Variants in PLD5 observed in about 807,000 individuals in gnomAD.
PLD5 encodes the protein inactive phospholipase D5.
Under a neutral mutation model 61.1 loss-of-function variants are expected in PLD5, and 36 were observed. The observed-to-expected ratio is 0.59, with a 90% CI of 0.45 to 0.78. PLD5 has a LOEUF of 0.78. PLD5 is among the 30% of genes least tolerant of loss of function. PLD5 has a pLI of 0.00. For missense variants in PLD5, 515 were observed against 644.4 expected (o/e 0.80, Z 2.17); for synonymous variants, 243 against 242.8 (o/e 1.00, Z -0.01).
chr1:242,165,497 T>C (rs1280680043), intron 5 of PLD5, among the ~76,000 whole-genome samples: 1 of 148,062 alleles, frequency 6.8e-6, no homozygotes. Flanking sequence ...ATGTAAAATA[T>C]AGACTATGAA....
intron 1 of PLD5, among the ~76,000 whole-genome samples, chr1:242,441,083 A>G (rs924978923): frequency 6.6e-6 from 1 of 152,242 alleles, no homozygotes; most frequent in Non-Finnish European, 1.5e-5. Context: ...TAATAAATTA[A>G]GTTGAAAAAA....
At chr1:242,154,210 G>A (rs902949693) in intron 5 of PLD5, among the ~76,000 whole-genome samples, 5 of 152,190 alleles carry the variant, frequency 3.3e-5, no homozygotes, top group African/African-American at 9.7e-5. Flanking sequence ...CTGAGACTTT[G>A]CAGAAGTTGC....
intron 1 of PLD5, among the ~76,000 whole-genome samples, chr1:242,354,305 C>CAAA (rs1558490886): frequency 6.6e-6 from 1 of 152,140 alleles, no homozygotes; most frequent in Admixed American, 6.6e-5. Flanking sequence ...AAATAATCCA[C>CAAA]CCTGAATTTG....
At chr1:242,121,987 T>C (rs908509130) in intron 6 of PLD5, among the ~76,000 whole-genome samples, 6 of 151,938 alleles carry the variant, frequency 3.9e-5, no homozygotes, top group Admixed American at 2.6e-4. Flanking sequence ...ATACACCTAA[T>C]GTAAATATGA....
chr1:242,245,679 A>G (rs1672312190), intron 4 of PLD5, among the ~76,000 whole-genome samples: 1 of 152,214 alleles, frequency 6.6e-6, no homozygotes, highest in African/African-American at 2.4e-5. Context: ...TTTTCAGCTG[A>G]GAAGCCCTTT....
At chr1:242,444,686 T>TATATAATTA (rs369716880) in intron 1 of PLD5, among the ~76,000 whole-genome samples, 9 of 14,962 alleles carry the variant, frequency 6.0e-4, no homozygotes, top group East Asian at 5.2e-3. Flanking sequence ...ATATAAATAT[T>TATATAATTA]TATATTATAT....
At chr1:242,180,233 C>A (rs1667437069) in intron 5 of PLD5, among the ~76,000 whole-genome samples, 1 of 151,914 alleles carries the variant, frequency 6.6e-6, no homozygotes, top group Admixed American at 6.6e-5. Context: ...TTACAAAGAG[C>A]TAGAAGAGGG....
At chr1:242,266,938 G>A (rs1287215727) in intron 3 of PLD5, among the ~76,000 whole-genome samples, 1 of 152,026 alleles carries the variant, frequency 6.6e-6, no homozygotes, top group Non-Finnish European at 1.5e-5. Context: ...TCAACATGGG[G>A]AAACCCAGTC....
chr1:242,446,154 C>T (rs1666527172), intron 1 of PLD5, among the ~76,000 whole-genome samples: 1 of 151,750 alleles, frequency 6.6e-6, no homozygotes, highest in Non-Finnish European at 1.5e-5. Flanking sequence ...AATTTAACTC[C>T]CTCCCTGACT....
intron 2 of PLD5, among the ~76,000 whole-genome samples, chr1:242,319,046 G>A (rs1014730743): frequency 6.6e-6 from 1 of 152,090 alleles, no homozygotes; most frequent in Admixed American, 6.5e-5. Flanking sequence ...GGCAGGAGGG[G>A]CTCCAGAGAA....
At chr1:242,471,108 C>G (rs1374281738) in intron 1 of PLD5, among the ~76,000 whole-genome samples, 3 of 152,170 alleles carry the variant, frequency 2.0e-5, no homozygotes, top group Non-Finnish European at 4.4e-5. Flanking sequence ...GGGCTGTCTG[C>G]CTTTCACCTC....
chr1:242,104,007 A>T (rs1425544856), intron 8 of PLD5, among the ~76,000 whole-genome samples: 1 of 152,224 alleles, frequency 6.6e-6, no homozygotes, highest in Non-Finnish European at 1.5e-5. Flanking sequence ...TAAAATTTAA[A>T]ATATCTTAAT....
intron 1 of PLD5, among the ~76,000 whole-genome samples, chr1:242,360,189 G>A (rs1162514701): frequency 1.3e-5 from 2 of 151,954 alleles, no homozygotes; most frequent in Non-Finnish European, 2.9e-5. Context: ...GCTGATCCCT[G>A]GGCCACACTT....
intron 5 of PLD5, among the ~76,000 whole-genome samples, chr1:242,217,798 C>A (rs892507506): frequency 2.0e-5 from 3 of 151,970 alleles, no homozygotes; most frequent in Non-Finnish European, 4.4e-5. Flanking sequence ...AGAAGGGGAG[C>A]CTAAAGATGT....
intron 1 of PLD5, chr1:242,365,544 C>T (rs998459594): frequency 2.5e-5 from 4 of 158,766 alleles, no homozygotes; most frequent in Admixed American, 6.4e-5. Context: ...AAGCAGATCC[C>T]GTAAGTCCTC....
intron 5 of PLD5, among the ~76,000 whole-genome samples, chr1:242,132,181 T>C (rs1213525481): frequency 3.8e-5 from 1 of 26,344 alleles, no homozygotes; most frequent in Non-Finnish European, 8.8e-5. Context: ...TCAAAGAGAA[T>C]GCAGTGATTG....
chr1:242,248,373 C>T (rs1463352933), intron 4 of PLD5, among the ~76,000 whole-genome samples: 1 of 151,980 alleles, frequency 6.6e-6, no homozygotes, highest in African/African-American at 2.4e-5. Flanking sequence ...TAAAAACATA[C>T]AGCCAATCAT....
chr1:242,239,198 T>G (rs915428532), intron 4 of PLD5, among the ~76,000 whole-genome samples: 2 of 152,188 alleles, frequency 1.3e-5, no homozygotes, highest in Admixed American at 6.5e-5. Context: ...GTCTGGCACA[T>G]GCTGTAGAAT....
chr1:242,336,079 T>G (rs1467338219), intron 2 of PLD5, among the ~76,000 whole-genome samples: 2 of 152,204 alleles, frequency 1.3e-5, no homozygotes, highest in African/African-American at 2.4e-5. Context: ...CAAAAACATG[T>G]GAAAAGATTT....
Sources: allele counts gnomAD v4.1 joint callset (sites outside exome capture counted in the v4.1 genomes callset), GRCh38; gene constraint gnomAD v4.1.1; transcripts MANE v1.5; gene names NCBI Gene and HGNC (gene_info 2026-07-23, HGNC 2026-07-21).